The following BCAS3 variants were observed in gnomAD, a reference collection of about 807,000 sequenced individuals.
The protein encoded by BCAS3 is BCAS3 microtubule associated cell migration factor.
A neutral mutation model predicts 116.1 loss-of-function variants in BCAS3; 53 were observed. That is an observed-to-expected ratio of 0.46 (90% confidence interval 0.37 to 0.57). The LOEUF (loss-of-function observed/expected upper bound fraction) is 0.57, where lower values mean the gene tolerates loss of function less well. Ranked by LOEUF, BCAS3 falls within the 20% of genes least tolerant of loss-of-function variation. The pLI is 0.00. For synonymous variants in BCAS3, 391 were observed against 408.2 expected (o/e 0.96, Z 0.51); for missense variants, 917 against 1,165.4 (o/e 0.79, Z 3.10).
intron 14 of BCAS3, among the ~76,000 whole-genome samples, chr17:60,965,226 A>AT (rs142254431): frequency 0.021 from 2,727 of 131,552 alleles, 44 homozygotes; most frequent in East Asian, 0.073. Context: ...GGTATATTGA[A>AT]TTTTTTTTTT....
chr17:61,142,577 C>T (rs1481352533), intron 22 of BCAS3, among the ~76,000 whole-genome samples: 3 of 151,976 alleles, frequency 2.0e-5, no homozygotes, highest in Admixed American at 6.6e-5. Flanking sequence ...GGTGGGGGAA[C>T]GTATCATCAG....
chr17:60,878,102 T>C (rs1365843461), intron 9 of BCAS3, among the ~76,000 whole-genome samples: 1 of 151,724 alleles, frequency 6.6e-6, no homozygotes, highest in African/African-American at 2.4e-5. Flanking sequence ...CTCCACCTCT[T>C]GGGCTCAAGC....
chr17:60,921,473 C>T (rs1409691001), intron 12 of BCAS3, among the ~76,000 whole-genome samples: 1 of 151,644 alleles, frequency 6.6e-6, no homozygotes, highest in Non-Finnish European at 1.5e-5. Context: ...ATTAGCCGGG[C>T]GTAGTGGCGG....
chr17:60,823,918 G>A (rs1568327978), intron 7 of BCAS3, among the ~76,000 whole-genome samples: 1 of 152,024 alleles, frequency 6.6e-6, no homozygotes, highest in African/African-American at 2.4e-5. Context: ...TTCTCATTAA[G>A]CATGTCTGAT....
At chr17:60,892,057 A>G (rs1311673164) in intron 10 of BCAS3, among the ~76,000 whole-genome samples, 1 of 152,222 alleles carries the variant, frequency 6.6e-6, no homozygotes, top group Non-Finnish European at 1.5e-5. Flanking sequence ...AGCTGCTGAT[A>G]GACACCTAGT....
At chr17:60,739,863 T>C (rs550486019) in intron 5 of BCAS3, among the ~76,000 whole-genome samples, 24 of 151,890 alleles carry the variant, frequency 1.6e-4, no homozygotes, top group African/African-American at 5.6e-4. Context: ...GAATTAGAGG[T>C]TGCTGTTTTT....
intron 22 of BCAS3, among the ~76,000 whole-genome samples, chr17:61,263,181 A>C (rs1480980047): frequency 6.6e-6 from 1 of 152,242 alleles, no homozygotes; most frequent in African/African-American, 2.4e-5. Flanking sequence ...ACAAAGCTTA[A>C]GGAAACCAAG....
chr17:61,220,647 T>G lies in BCAS3; in HGVS notation c.2425+136083T>G, dbSNP rs2082057435. ...CCCCTGTGGCGCCAAAGACAGTTCT[T>G]GATCTCTACACCCAGTGACAACAGG... On this transcript the variant is annotated intron_variant, in intron 22 of 23. Coordinates refer to ENST00000407086, the MANE Select transcript of BCAS3 (RefSeq NM_017679.5). This position sits in a 1 kb window ranked among gnomAD's most constrained non-coding sequence, Gnocchi z 4.5. 1.3e-5 allele frequency among the ~76,000 whole-genome samples: 2 copies of G among 151,932 alleles called. No individual in the cohort carries two copies. Among genetic ancestry groups the G allele is most frequent in the African/African-American group, 2.4e-5 (1 of 41,346 alleles).
chr17:60,959,994 T>C (rs375083115), intron 14 of BCAS3, among the ~76,000 whole-genome samples: 18 of 152,216 alleles, frequency 1.2e-4, no homozygotes, highest in Admixed American at 7.2e-4. Context: ...ATACATGTGA[T>C]TGTTTTAAGT....
At chr17:60,686,540 T>C (rs1424444831) in intron 3 of BCAS3, among the ~76,000 whole-genome samples, 1 of 152,116 alleles carries the variant, frequency 6.6e-6, no homozygotes, top group African/African-American at 2.4e-5. Flanking sequence ...ATTTTTTTTT[T>C]TTGAGATGGA....
At chr17:60,864,913 A>G (rs886751377) in intron 7 of BCAS3, among the ~76,000 whole-genome samples, 13 of 152,318 alleles carry the variant, frequency 8.5e-5, no homozygotes, top group Middle Eastern at 3.4e-3. Flanking sequence ...GGAGAGAGAC[A>G]GGAGAATAGC....
In BCAS3 at chr17:60,902,719, A is replaced by C. The variant is rs1209360875; in HGVS notation, c.822+16A>C. ...TGCTGCTAAAGTGAGTACCTCCGAA[A>C]TCTTGGAGAGTTGTGGTTATGTGTA... On this transcript the variant is annotated intron_variant, in intron 11 of 23. Transcript: ENST00000407086. The C allele has an allele frequency of 1.3e-6, 2 of 1,561,516 alleles. No homozygotes were observed. The highest frequency in any genetic ancestry group is 1.8e-6 in the Non-Finnish European group (2 of 1,132,554).
Position 61,065,583 on chromosome 17 carries a change from G to A in BCAS3, c.2030-9337G>A, listed in dbSNP as rs926922898. On this transcript the variant is annotated intron_variant, in intron 19 of 23. Coordinates refer to ENST00000407086, the MANE Select transcript of BCAS3 (RefSeq NM_017679.5). This position sits in a 1 kb window ranked among gnomAD's most constrained non-coding sequence, Gnocchi z 4.8. ...CTCTGTTGCTAGAAAAAGGAATGTT[G>A]TTCCTCTAAATAACCTAAACGACTG... Among the ~76,000 whole-genome samples the A allele has an allele frequency of 2.0e-5, 3 of 152,134 alleles. No homozygotes were observed. The highest frequency in any genetic ancestry group is 4.4e-5 in the Non-Finnish European group (3 of 68,028).
chr17:61,074,167 A>G (rs1465632531), intron 19 of BCAS3, among the ~76,000 whole-genome samples: 1 of 151,262 alleles, frequency 6.6e-6, no homozygotes, highest in Non-Finnish European at 1.5e-5. Context: ...TTGGGGGGTT[A>G]TATGGGAAAT....
rs565314805 is a variant in BCAS3 at position 61,228,128 on chromosome 17, C to T, written c.2426-140199C>T. 2.6e-5 allele frequency among the ~76,000 whole-genome samples: 4 copies of T among 152,288 alleles called. No individual in the cohort carries two copies. In the South Asian group the frequency reaches 8.3e-4, roughly 32 times the overall value. On this transcript the variant is annotated intron_variant, in intron 22 of 23. Transcript: ENST00000407086. This position sits in a 1 kb window ranked among gnomAD's most constrained non-coding sequence, Gnocchi z 5.0. The stretch of plus-strand genomic sequence containing the variant: ...GCCCAGTAGAAACCAGCAGTAGGAC[C>T]TTCCTCAATTTTCAGCAAGTAGGAC...
At chr17:61,058,841 C>T (rs751333195) in intron 19 of BCAS3, among the ~76,000 whole-genome samples, 8 of 151,926 alleles carry the variant, frequency 5.3e-5, no homozygotes, top group Admixed American at 2.0e-4. Context: ...ATATAATTGA[C>T]GTTTGGGGAT....
At chr17:61,185,866 T>C (rs1183398957) in intron 22 of BCAS3, among the ~76,000 whole-genome samples, 3 of 152,172 alleles carry the variant, frequency 2.0e-5, no homozygotes, top group Admixed American at 6.5e-5. Flanking sequence ...TATATACTCA[T>C]GTTTGGCTAA....
chr17:61,371,961 G>A (rs879610451), intron 23 of BCAS3, among the ~76,000 whole-genome samples: 1 of 152,242 alleles, frequency 6.6e-6, no homozygotes, highest in African/African-American at 2.4e-5. Context: ...AATCACCTAT[G>A]TGATTTGCAA....
rs2057633046 is a variant in BCAS3, at chr17:61,348,383, A to G, written c.2426-19944A>G. 6.6e-6 allele frequency among the ~76,000 whole-genome samples: 1 copy of G among 152,110 alleles called. No homozygotes were observed. Among genetic ancestry groups the G allele is most frequent in the South Asian group, 2.1e-4 (1 of 4,822 alleles). On this transcript the variant is annotated intron_variant, in intron 22 of 23. Coordinates refer to ENST00000407086, the MANE Select transcript of BCAS3 (RefSeq NM_017679.5). This position sits in a 1 kb window ranked among gnomAD's most constrained non-coding sequence, Gnocchi z 4.5. Reference sequence around the variant, plus strand: ...CTTGGTCTTACGCAGATGGTTTTGGAGCCCAGGAGAGACCTGAGTTAGAGG... The same window carrying G: ...CTTGGTCTTACGCAGATGGTTTTGGGGCCCAGGAGAGACCTGAGTTAGAGG...
Sources: allele counts gnomAD v4.1 joint callset (sites outside exome capture counted in the v4.1 genomes callset), GRCh38; gene constraint gnomAD v4.1.1; non-coding constraint Gnocchi (gnomAD v3.1); transcripts MANE v1.5; gene names NCBI Gene and HGNC (gene_info 2026-07-23, HGNC 2026-07-21).